The following R3HDM1 variants were observed in gnomAD, a reference collection of about 807,000 sequenced individuals.
The protein encoded by R3HDM1 is R3H domain containing 1.
A neutral mutation model predicts 141.1 loss-of-function variants in R3HDM1; 46 were observed. The ratio of observed to expected loss-of-function variants is 0.33; its 90% confidence interval spans 0.26 to 0.42. R3HDM1 has a LOEUF of 0.42. R3HDM1 is among the 10% of genes least tolerant of loss of function. R3HDM1 has a pLI of 1.00. For missense variants in R3HDM1, 1,184 were observed against 1,368.3 expected, an observed-to-expected ratio of 0.87 and a Z score of 2.12; for synonymous variants, 435 against 472.9, an observed-to-expected ratio of 0.92 and a Z score of 1.04.
At chr2:135,659,712 A>ACC (rs1167185735) in intron 18 of R3HDM1, among the ~76,000 whole-genome samples, 2 of 152,234 alleles carry the variant, frequency 1.3e-5, no homozygotes, top group Admixed American at 6.5e-5. Context: ...TGCTGGGAGT[A>ACC]CAGGCGTCAG....
rs191059358 is a variant in R3HDM1 at position 135,568,206 on chromosome 2, G to A, written c.-249-34294G>A. On this transcript the variant is annotated intron_variant, in intron 1 of 26. Coordinates refer to ENST00000683871, the MANE Select transcript of R3HDM1 (RefSeq NM_001378107.1). The stretch of plus-strand genomic sequence containing the variant: ...CAGGTAGCTGGGACTATAGGCACAT[G>A]CCACCATGTCCACTAATTTTTTGTA... Among the ~76,000 whole-genome samples the A allele has an allele frequency of 3.3e-5, 5 of 151,872 alleles. No individual in the cohort carries two copies. The East Asian group carries it at 9.7e-4, about 29-fold the overall frequency.
At chr2:135,608,421 G>T (rs1176600845) in intron 3 of R3HDM1, among the ~76,000 whole-genome samples, 1 of 152,092 alleles carries the variant, frequency 6.6e-6, no homozygotes, top group East Asian at 1.9e-4. Context: ...GCCTGGCAAG[G>T]GGTGTACAGT....
At chr2:135,630,281 CAAAAAAAA>C (rs911009655) in intron 7 of R3HDM1, among the ~76,000 whole-genome samples, 185 of 39,294 alleles carry the variant, frequency 4.7e-3, no homozygotes, top group Non-Finnish European at 5.5e-3. Flanking sequence ...CCTTCTCAAC[CAAAAAAAA>C]AAAAAAAAAA....
chr2:135,574,657 G>C (rs1167479452), intron 1 of R3HDM1, among the ~76,000 whole-genome samples: 1 of 152,140 alleles, frequency 6.6e-6, no homozygotes, highest in African/African-American at 2.4e-5. Flanking sequence ...GGGATGCAGG[G>C]CTGGCTTAAT....
At position 135,556,414 on chromosome 2, in the gene R3HDM1, A is replaced by G. The variant is rs115746869; in HGVS notation, c.-250+24781A>G. Among the ~76,000 whole-genome samples the G allele has an allele frequency of 5.3e-3, 813 of 152,318 alleles. 6 individuals carry two copies. Among genetic ancestry groups the G allele is most frequent in the African/African-American group, 0.019 (782 of 41,570 alleles). ...ATCTCAGTAGAGTGGTTTTTTGAAA[A>G]CACTAGAACATATATGATCAAAAAA... is the stretch of plus-strand genomic sequence containing the variant. On this transcript the variant is annotated intron_variant, in intron 1 of 26. Transcript: ENST00000683871.
chr2:135,561,442 CGTG>C, intron 1 of R3HDM1: 1 of 721,074 alleles, frequency 1.4e-6, no homozygotes, highest in Non-Finnish European at 1.7e-6. Flanking sequence ...CTTGGTGGGA[CGTG>C]GTGGCTCACA....
At chr2:135,571,459 G>A (rs1284167246) in intron 1 of R3HDM1, among the ~76,000 whole-genome samples, 2 of 151,582 alleles carry the variant, frequency 1.3e-5, no homozygotes, top group African/African-American at 4.8e-5. Context: ...CCGAGTAGCT[G>A]GGACTACATG....
At chr2:135,556,524 T>C (rs1481353671) in intron 1 of R3HDM1, among the ~76,000 whole-genome samples, 1 of 151,076 alleles carries the variant, frequency 6.6e-6, no homozygotes, top group Non-Finnish European at 1.5e-5. Context: ...TGTCAGACTT[T>C]TTTTTTTTTT....
At chr2:135,572,142 G>A (rs1704263959) in intron 1 of R3HDM1, among the ~76,000 whole-genome samples, 1 of 152,058 alleles carries the variant, frequency 6.6e-6, no homozygotes, top group Non-Finnish European at 1.5e-5. Context: ...GGTTTTTGTA[G>A]AGACAGAGTT....
chr2:135,685,435 G>A lies in R3HDM1; in HGVS notation c.2459+5111G>A, dbSNP rs114786630. Among the ~76,000 whole-genome samples, 1,490 of 152,236 alleles carry A rather than the reference G, an allele frequency of 9.8e-3. 23 individuals carry two copies. The highest frequency in any genetic ancestry group is 0.034 in the African/African-American group (1,423 of 41,544). The stretch of plus-strand genomic sequence containing the variant: ...TATAAAATGTCTACAACTTGGTTTT[G>A]GTTTCTTGTAGGAGCATATCATGTC... On this transcript the variant is annotated intron_variant, in intron 21 of 26. Coordinates refer to ENST00000683871, the MANE Select transcript of R3HDM1 (RefSeq NM_001378107.1).
intron 5 of R3HDM1, chr2:135,620,453 C>A: frequency 1.1e-6 from 1 of 949,982 alleles, no homozygotes; most frequent in Non-Finnish European, 1.3e-6. Context: ...GTGCAAAAAG[C>A]AAGTGTTTGT....
intron 1 of R3HDM1, among the ~76,000 whole-genome samples, chr2:135,532,038 G>A (rs893976478): frequency 6.6e-6 from 1 of 152,216 alleles, no homozygotes; most frequent in Non-Finnish European, 1.5e-5. Flanking sequence ...TGCTCTTGCA[G>A]CCCCAGGGAC....
rs2077029979 is a variant in R3HDM1, at chr2:135,725,100, G to A, written c.*808G>A. 6.6e-6 allele frequency: 1 copy of A among 152,272 alleles called. No homozygotes were observed. Among genetic ancestry groups the A allele is most frequent in the Admixed American group, 6.6e-5 (1 of 15,228 alleles). The allele number at this position is 152,272 out of a possible 1,614,324, so 9.4% of individuals were successfully genotyped here. ...TTGATGAGTGCTGGAAACTTCTTAA[G>A]TGCTTTACAGTTTGTTTTCATTGTT... On this transcript the variant is annotated 3_prime_UTR_variant, in exon 27 of 27. Transcript: ENST00000683871.
At chr2:135,574,092 TATAAA>T (rs1704791444) in intron 1 of R3HDM1, among the ~76,000 whole-genome samples, 1 of 152,046 alleles carries the variant, frequency 6.6e-6, no homozygotes, top group African/African-American at 2.4e-5. Context: ...AATTTAAAAT[TATAAA>T]ATAGACAAAC....
chr2:135,597,157 A>G, intron 1 of R3HDM1: 2 of 977,084 alleles, frequency 2.0e-6, no homozygotes, highest in Non-Finnish European at 2.4e-6. Flanking sequence ...AACTACCAAA[A>G]GTCTTTCCTT....
At chr2:135,659,049 CTGTGTGTGTG>C (rs548436817) in intron 18 of R3HDM1, among the ~76,000 whole-genome samples, 9 of 126,494 alleles carry the variant, frequency 7.1e-5, no homozygotes, top group South Asian at 5.7e-4. Flanking sequence ...CTACCTGAGT[CTGTGTGTGTG>C]TGTGTGTGTG....
intron 21 of R3HDM1, among the ~76,000 whole-genome samples, chr2:135,699,644 G>A (rs1164415573): frequency 6.6e-6 from 1 of 152,138 alleles, no homozygotes; most frequent in Admixed American, 6.5e-5. Flanking sequence ...ATGTTCTAAA[G>A]TTTTGTAAAT....
chr2:135,599,304 A>G (rs1039547087), intron 1 of R3HDM1, among the ~76,000 whole-genome samples: 1 of 152,116 alleles, frequency 6.6e-6, no homozygotes, highest in African/African-American at 2.4e-5. Context: ...GAAGTTGAAT[A>G]TGAATTTTGA....
intron 1 of R3HDM1, chr2:135,581,478 C>G: frequency 1.2e-6 from 1 of 846,484 alleles, no homozygotes; most frequent in Non-Finnish European, 1.4e-6. Context: ...ATTGACCTCA[C>G]CTGACTGACT....
Sources: gnomAD v4.1 joint callset for allele counts (sites outside exome capture counted in the v4.1 genomes callset) on GRCh38, gnomAD v4.1.1 for gene constraint, MANE v1.5 for transcripts, NCBI Gene and HGNC (gene_info 2026-07-23, HGNC 2026-07-21) for gene names.